The following REPS2 variants were observed in gnomAD, a reference collection of about 807,000 sequenced individuals.
REPS2 encodes ralBP1-associated Eps domain-containing protein 2.
REPS2 carries 23 observed loss-of-function variants against 53.6 expected under a neutral mutation model. That is an observed-to-expected ratio of 0.43 (90% CI 0.31 to 0.61). REPS2 has a LOEUF of 0.61. Among genes scored for constraint, REPS2 ranks in the 20% least tolerant of loss-of-function variants. REPS2 has a pLI of 0.11. For synonymous variants in REPS2, 238 were observed against 218.6 expected, an observed-to-expected ratio of 1.09 and a Z score of -0.78; for missense variants, 446 against 534.9, an observed-to-expected ratio of 0.83 and a Z score of 1.64.
intron 13 of REPS2, among the ~76,000 whole-genome samples, chrX:17,089,835 A>G (rs2062591391): frequency 8.9e-6 from 1 of 112,437 alleles, no homozygotes; most frequent in African/African-American, 3.2e-5. Context: ...TAATGCTGCC[A>G]TTAATATTTG....
At chrX:17,182,144 A>T in the REPS2 span, among the ~76,000 whole-genome samples, 10 of 42,155 alleles carry the variant, frequency 2.4e-4, no homozygotes. Flanking sequence ...CTATCTGTCT[A>T]TCTATCTATC....
intron 2 of REPS2, among the ~76,000 whole-genome samples, chrX:17,007,128 T>C (rs2061371040): frequency 8.9e-6 from 1 of 112,135 alleles, no homozygotes; most frequent in African/African-American, 3.2e-5. Context: ...ACTAAAAACC[T>C]CTTAACTGCT....
the REPS2 span, among the ~76,000 whole-genome samples, chrX:17,187,254 C>T: frequency 3.6e-5 from 4 of 111,159 alleles, no homozygotes; most frequent in African/African-American, 9.8e-5. Context: ...TATGGGAGGA[C>T]GGCTCTGCAG....
chrX:17,164,129 C>T, the REPS2 span, among the ~76,000 whole-genome samples: 11 of 111,631 alleles, frequency 9.9e-5, no homozygotes, highest in Admixed American at 7.6e-4. Context: ...GATTTTTATA[C>T]GTTAGGATAC....
intron 4 of REPS2, among the ~76,000 whole-genome samples, chrX:17,026,301 A>G (rs1362971196): frequency 8.9e-6 from 1 of 111,737 alleles, no homozygotes; most frequent in Non-Finnish European, 1.9e-5. Flanking sequence ...AGTCCTATGC[A>G]CATGCAAGAT....
Position 17,016,806 on chromosome X carries a change from C to T in REPS2, c.398-5317C>T, listed in dbSNP as rs777726649. 1.2e-4 allele frequency among the ~76,000 whole-genome samples: 10 copies of T among 85,454 alleles called. No individual in the cohort carries two copies. In the South Asian group the frequency reaches 1.9e-3, roughly 16 times the overall value. The allele number at this position is 85,454 out of a possible 115,157, so 74.2% of individuals were successfully genotyped here. ...TGCAAATATTCAAACATTGTGCTTGCGGGATGTACAGAAATAGGCAGCAGA... is the reference window on the plus strand; with the variant it reads ...TGCAAATATTCAAACATTGTGCTTGTGGGATGTACAGAAATAGGCAGCAGA... On this transcript the variant is annotated intron_variant, in intron 2 of 17. Coordinates refer to ENST00000357277, the MANE Select transcript of REPS2 (RefSeq NM_004726.3).
At chrX:17,067,605 T>C (rs1011188703) in intron 9 of REPS2, among the ~76,000 whole-genome samples, 2 of 112,265 alleles carry the variant, frequency 1.8e-5, no homozygotes, top group South Asian at 3.7e-4. Flanking sequence ...GTGTGAGGAC[T>C]TCCCCCCTGT....
chrX:17,134,699 G>A (rs547571151), intron 15 of REPS2, among the ~76,000 whole-genome samples: 1 of 109,682 alleles, frequency 9.1e-6, no homozygotes, highest in African/African-American at 3.3e-5. Context: ...GCGCGATCTC[G>A]GCTCACTGCA....
intron 6 of REPS2, among the ~76,000 whole-genome samples, chrX:17,049,346 A>T (rs1178448564): frequency 8.9e-6 from 1 of 111,928 alleles, no homozygotes; most frequent in African/African-American, 3.2e-5. Context: ...CCTGCAGGTT[A>T]TTGTCCTCTT....
intron 1 of REPS2, among the ~76,000 whole-genome samples, chrX:16,985,735 C>A (rs1240932717): frequency 9.0e-6 from 1 of 111,407 alleles, no homozygotes; most frequent in Non-Finnish European, 1.9e-5. Flanking sequence ...TGTAGATACC[C>A]AGATCAATCA....
chrX:16,957,167 T>G (rs993222288), intron 1 of REPS2, among the ~76,000 whole-genome samples: 5 of 111,813 alleles, frequency 4.5e-5, no homozygotes, highest in Non-Finnish European at 7.5e-5. Flanking sequence ...TACAGCACTT[T>G]GGGAGGTTGA....
the REPS2 span, among the ~76,000 whole-genome samples, chrX:17,193,014 C>T: frequency 8.9e-6 from 1 of 112,480 alleles, no homozygotes; most frequent in Non-Finnish European, 1.9e-5. Flanking sequence ...ATTCTTTACC[C>T]ACTGTGAACG....
In REPS2 at chrX:17,029,561, G is replaced by A. The variant is rs370804178; in HGVS notation, c.709G>A (p.Glu237Lys). The A allele has an allele frequency of 3.6e-5, 43 of 1,209,344 alleles. No homozygotes were observed. The highest frequency in any genetic ancestry group is 1.7e-4 in the Admixed American group (8 of 45,765). Residue 237 changes from glutamate to lysine, a missense_variant, in exon 5 of 18, where the codon GAG becomes AAG. By Grantham distance (56) the Glu-to-Lys change is moderately conservative. Transcript: ENST00000357277. Reference sequence around the variant, plus strand: ...AGCTAGGCAGCCCCTTGTCCAGCCCGAGGGATCCTCATCAGGGGGCCCAGG... The same window carrying A: ...AGCTAGGCAGCCCCTTGTCCAGCCCAAGGGATCCTCATCAGGGGGCCCAGG... ...YEARQPLVQP[E>K]GSSSGGPGTK... is the part of the protein sequence containing the mutation.
At chrX:17,192,956 G>A in the REPS2 span, among the ~76,000 whole-genome samples, 1 of 112,393 alleles carries the variant, frequency 8.9e-6, no homozygotes, top group East Asian at 2.8e-4. Context: ...CATGTTGTAC[G>A]TATCAGAATT....
chrX:17,013,043 C>T (rs992052468), intron 2 of REPS2, among the ~76,000 whole-genome samples: 1 of 112,404 alleles, frequency 8.9e-6, no homozygotes, highest in Non-Finnish European at 1.9e-5. Context: ...TTGTTCTCCA[C>T]CTAGGTGATT....
intron 1 of REPS2, among the ~76,000 whole-genome samples, chrX:16,954,531 G>T (rs906206758): frequency 9.0e-6 from 1 of 111,630 alleles, no homozygotes; most frequent in Non-Finnish European, 1.9e-5. Context: ...GCCAGAAAAG[G>T]TACCTGTGGC....
chrX:17,018,814 AT>A (rs201340371), intron 2 of REPS2, among the ~76,000 whole-genome samples: 3 of 106,390 alleles, frequency 2.8e-5, no homozygotes, highest in African/African-American at 1.0e-4. Context: ...AAATTGAGGT[AT>A]TTTTTTTTCT....
chrX:17,132,559 C>T (rs1045767527), intron 14 of REPS2, among the ~76,000 whole-genome samples: 5 of 112,536 alleles, frequency 4.4e-5, no homozygotes, highest in Admixed American at 9.3e-5. Flanking sequence ...TTTCCTGAGA[C>T]GAAGTCTTGC....
rs182470702 is a variant in REPS2 at position 17,045,182 on chromosome X, C to T, written c.772-2165C>T. ...TCCTGACCTCAGGTGATCCACCCAC[C>T]TCAGCCTCCCAAAGTTCTGGGATTA... On this transcript the variant is annotated intron_variant, in intron 5 of 17. Coordinates refer to ENST00000357277, the MANE Select transcript of REPS2 (RefSeq NM_004726.3). Among the ~76,000 whole-genome samples the T allele has an allele frequency of 1.2e-3, 121 of 105,203 alleles. No homozygotes were observed. In the Middle Eastern group the frequency reaches 0.019, roughly 17 times the overall value. 91.4% of individuals were successfully genotyped at this position (105,203 alleles called of 115,157 possible).
Sources: allele counts gnomAD v4.1 joint callset (sites outside exome capture counted in the v4.1 genomes callset), GRCh38; gene constraint gnomAD v4.1.1; transcripts MANE v1.5; gene names NCBI Gene and HGNC (gene_info 2026-07-23, HGNC 2026-07-21).